NEURL1: variants seen among roughly 807,000 people sequenced by gnomAD.
The protein encoded by NEURL1 is neuralized E3 ubiquitin protein ligase 1, also known as E3 ubiquitin-protein ligase NEURL1.
In NEURL1, 26 loss-of-function variants were observed where a neutral mutation model predicts 41.2. That is an observed-to-expected ratio of 0.63 (90% CI 0.46 to 0.87). NEURL1 has a LOEUF of 0.87. Among genes scored for constraint, NEURL1 ranks in the 40% least tolerant of loss-of-function variants. NEURL1 has a pLI of 0.00. For missense variants in NEURL1, 761 were observed against 871.1 expected (o/e 0.87, Z 1.59); for synonymous variants, 400 against 402.3 (o/e 0.99, Z 0.07).
chr10:103,537,714 T>A (rs1401279407), intron 1 of NEURL1, among the ~76,000 whole-genome samples: 1 of 152,100 alleles, frequency 6.6e-6, no homozygotes, highest in Non-Finnish European at 1.5e-5. Context: ...TTTAATAGGT[T>A]TTAAAATACA....
Position 103,558,233 on chromosome 10 carries a change from G to A in NEURL1, c.86-12639G>A. 2.0e-6 allele frequency: 2 copies of A among 985,306 alleles called. No homozygotes were observed. Among genetic ancestry groups the A allele is most frequent in the Non-Finnish European group, 2.4e-6 (2 of 829,960 alleles). The allele number at this position is 985,306 out of a possible 1,614,324, so 61.0% of individuals were successfully genotyped here. A position where few individuals can be genotyped will look rare whatever the true frequency, so the allele number is the denominator to read the frequency against. On this transcript the variant is annotated intron_variant, in intron 1 of 5. Coordinates refer to ENST00000369780, the MANE Select transcript of NEURL1 (RefSeq NM_004210.5). The surrounding 1 kb of genome is among the most constrained non-coding windows in gnomAD (Gnocchi z 4.2). ...CGGCTTGATTCGGGCCAAACATTTTGGATTGCTGCGTTAAAGTGAGTGAGG... is the reference window on the plus strand; with the variant it reads ...CGGCTTGATTCGGGCCAAACATTTTAGATTGCTGCGTTAAAGTGAGTGAGG...
chr10:103,588,442 G>A (rs1359257065), intron 4 of NEURL1, among the ~76,000 whole-genome samples: 1 of 152,168 alleles, frequency 6.6e-6, no homozygotes, highest in Non-Finnish European at 1.5e-5. Context: ...GTACTTGAGG[G>A]AGTAATGTGG....
chr10:103,538,496 G>A (rs1471310369), intron 1 of NEURL1, among the ~76,000 whole-genome samples: 10 of 150,896 alleles, frequency 6.6e-5, no homozygotes, highest in African/African-American at 9.7e-5. Context: ...ACTTGAGCCC[G>A]GGAGGCAGAG....
At chr10:103,502,840 G>T (rs2033855306) in intron 1 of NEURL1, among the ~76,000 whole-genome samples, 1 of 152,232 alleles carries the variant, frequency 6.6e-6, no homozygotes, top group Admixed American at 6.5e-5. Context: ...CTGTTAGTTT[G>T]TGCCTGTCTC....
At chr10:103,504,747 T>G (rs2033909334) in intron 1 of NEURL1, among the ~76,000 whole-genome samples, 1 of 152,230 alleles carries the variant, frequency 6.6e-6, no homozygotes, top group South Asian at 2.1e-4. Flanking sequence ...CCGCTATCTT[T>G]AACAGTTCTT....
rs74154555 is a variant in NEURL1, at chr10:103,590,231, G to A, written c.1584G>A (p.Ala528=). 5.3e-5 allele frequency: 85 copies of A among 1,614,016 alleles called. No homozygotes were observed. The highest frequency in any genetic ancestry group is 1.8e-4 in the Admixed American group (11 of 60,010). The part of the protein sequence containing the change: ...SDECTICYEH[A]VDTVIYTCGH... ...AGTGCACCATTTGCTATGAACACGC[G>A]GTGGACACGGTCATCTACACATGTG... The change falls in exon 6 of 6, where the codon GCG becomes GCA. Residue 528 remains alanine, a synonymous_variant. Transcript: ENST00000369780.
At chr10:103,548,691 T>C (rs1420864751) in intron 1 of NEURL1, among the ~76,000 whole-genome samples, 1 of 152,262 alleles carries the variant, frequency 6.6e-6, no homozygotes, top group Non-Finnish European at 1.5e-5. Flanking sequence ...ACAGAGACTT[T>C]AGTCCTTCCA....
chr10:103,581,457 A>C (rs4917392), intron 3 of NEURL1, among the ~76,000 whole-genome samples: 27,461 of 152,156 alleles, frequency 0.18, 2,692 homozygotes, highest in South Asian at 0.26. Context: ...ATTTTATGTA[A>C]ATCAGTAGAT....
In NEURL1 at chr10:103,534,341, C is replaced by T. The variant is rs192705130; in HGVS notation, c.86-36531C>T. Among the ~76,000 whole-genome samples the T allele has an allele frequency of 3.8e-3, 583 of 152,136 alleles. 5 individuals are homozygous for T. Among genetic ancestry groups the T allele is most frequent in the Middle Eastern group, 0.017 (5 of 294 alleles). ...TTGACTTTTGAGTTTCTTTTGTCCC[C>T]ACATCCTCACATTGATGTCTGTACA... On this transcript the variant is annotated intron_variant, in intron 1 of 5. Transcript: ENST00000369780.
chr10:103,585,280 C>T, intron 4 of NEURL1, 55 bp downstream of exon 4: 2 of 1,403,786 alleles, frequency 1.4e-6, no homozygotes, highest in Admixed American at 2.7e-5. Flanking sequence ...CGGGGACGAT[C>T]CGGGTAGGAG....
intron 1 of NEURL1, chr10:103,555,433 T>C: frequency 2.2e-6 from 3 of 1,352,868 alleles, no homozygotes; most frequent in Non-Finnish European, 3.0e-6. Flanking sequence ...CGCGGATGCC[T>C]GCGGGCCCGC....
At chr10:103,499,323 G>C (rs1405167163) in intron 1 of NEURL1, among the ~76,000 whole-genome samples, 21 of 152,106 alleles carry the variant, frequency 1.4e-4, no homozygotes, top group Admixed American at 1.4e-3. Context: ...TACTCTCTGG[G>C]GATGAGAGCA....
intron 1 of NEURL1, among the ~76,000 whole-genome samples, chr10:103,547,974 G>A (rs889543652): frequency 6.6e-6 from 1 of 152,080 alleles, no homozygotes; most frequent in Non-Finnish European, 1.5e-5. Context: ...CTCGTTGCCT[G>A]CCCTTCCTCA....
chr10:103,515,065 T>C (rs950429527), intron 1 of NEURL1, among the ~76,000 whole-genome samples: 2 of 151,922 alleles, frequency 1.3e-5, no homozygotes, highest in African/African-American at 4.8e-5. Flanking sequence ...CTGTCTGTAC[T>C]AAAAATACAA....
intron 1 of NEURL1, chr10:103,555,335 AGCCG>A: frequency 3.1e-6 from 4 of 1,302,374 alleles, no homozygotes; most frequent in Non-Finnish European, 4.0e-6. Flanking sequence ...CTCGGTGACC[AGCCG>A]GCCGGCCCAG....
chr10:103,505,314 C>G (rs2033923312), intron 1 of NEURL1, among the ~76,000 whole-genome samples: 1 of 150,492 alleles, frequency 6.6e-6, no homozygotes, highest in African/African-American at 2.4e-5. Context: ...ACCTCCATGT[C>G]TGGGTTCAAG....
In NEURL1 at chr10:103,558,507, G is replaced by C. The variant is rs993861512; in HGVS notation, c.86-12365G>C. On this transcript the variant is annotated intron_variant, in intron 1 of 5. Coordinates refer to ENST00000369780, the MANE Select transcript of NEURL1 (RefSeq NM_004210.5). This position sits in a 1 kb window ranked among gnomAD's most constrained non-coding sequence, Gnocchi z 4.2. ...TACTCTGTGCCTGTGCCATGCCTGTGTGTGTGTGTGTGTGTGTGTGTGTGT... is the reference window on the plus strand; with the variant it reads ...TACTCTGTGCCTGTGCCATGCCTGTCTGTGTGTGTGTGTGTGTGTGTGTGT... Among the ~76,000 whole-genome samples the C allele has an allele frequency of 1.2e-4, 11 of 90,126 alleles. No individual in the cohort carries two copies. Among genetic ancestry groups the C allele is most frequent in the East Asian group, 1.0e-3 (3 of 2,882 alleles). The allele number at this position is 90,126 out of a possible 152,430, so 59.1% of individuals were successfully genotyped here.
At chr10:103,519,801 C>G (rs562611740) in intron 1 of NEURL1, among the ~76,000 whole-genome samples, 1 of 146,146 alleles carries the variant, frequency 6.8e-6, no homozygotes, top group Non-Finnish European at 1.5e-5. Flanking sequence ...TTTTTTTTTT[C>G]GAGACAGGGT....
chr10:103,532,115 T>G (rs1000467946), intron 1 of NEURL1, among the ~76,000 whole-genome samples: 1 of 152,184 alleles, frequency 6.6e-6, no homozygotes, highest in Non-Finnish European at 1.5e-5. Flanking sequence ...TAGCATATAG[T>G]TAGGTCATTT....
Sources: gnomAD v4.1 joint callset for allele counts (sites outside exome capture counted in the v4.1 genomes callset) on GRCh38, gnomAD v4.1.1 for gene constraint, Gnocchi (gnomAD v3.1) non-coding constraint, MANE v1.5 for transcripts, NCBI Gene and HGNC (gene_info 2026-07-23, HGNC 2026-07-21) for gene names.